Variants in SCAND3 observed in about 807,000 individuals in gnomAD.
SCAND3 encodes the protein SCAN domain-containing protein 3.
chr6:28,607,333 G>A, the SCAND3 span, among the ~76,000 whole-genome samples: 1 of 152,090 alleles, frequency 6.6e-6, no homozygotes, highest in East Asian at 1.9e-4. Context: ...TTTTCTGCTT[G>A]TCTGTACAGC....
the SCAND3 span, chr6:28,579,125 T>C: frequency 1.5e-6 from 1 of 651,554 alleles, no homozygotes; most frequent in East Asian, 2.8e-5. The surrounding 1 kb of genome is among the most constrained non-coding windows in gnomAD (Gnocchi z 4.5). Context: ...ACTCCCTTAA[T>C]AACATTACAC....
At chr6:28,580,806 C>G in the SCAND3 span, among the ~76,000 whole-genome samples, 3 of 129,950 alleles carry the variant, frequency 2.3e-5, no homozygotes, top group African/African-American at 8.5e-5. Context: ...CCCCCCACCC[C>G]CCCAAGCACA....
At chr6:28,593,678 A>C in the SCAND3 span, 3 of 152,214 alleles carry the variant, frequency 2.0e-5, no homozygotes, top group East Asian at 5.8e-4. Flanking sequence ...TTCGTCTCAA[A>C]AAAAACAAAA....
the SCAND3 span, chr6:28,575,373 G>T: frequency 6.2e-7 from 1 of 1,613,978 alleles, no homozygotes; most frequent in Non-Finnish European, 8.5e-7. This position sits in a 1 kb window ranked among gnomAD's most constrained non-coding sequence, Gnocchi z 4.2. Context: ...TGACAACCTG[G>T]CTTGAAAATT....
the SCAND3 span, among the ~76,000 whole-genome samples, chr6:28,584,869 C>T: frequency 6.6e-6 from 1 of 152,360 alleles, no homozygotes; most frequent in East Asian, 1.9e-4. Flanking sequence ...AAACCAGCCA[C>T]TACTTCCACT....
At chr6:28,614,461 C>G in the SCAND3 span, among the ~76,000 whole-genome samples, 1 of 151,822 alleles carries the variant, frequency 6.6e-6, no homozygotes, top group Non-Finnish European at 1.5e-5. Flanking sequence ...GAGCAGTTTT[C>G]TTTTTTCTTT....
At chr6:28,605,174 A>G in the SCAND3 span, among the ~76,000 whole-genome samples, 4 of 152,066 alleles carry the variant, frequency 2.6e-5, no homozygotes, top group Non-Finnish European at 5.9e-5. Flanking sequence ...CTTGCTCCCA[A>G]CTGTTCCAAC....
the SCAND3 span, chr6:28,587,041 C>T: frequency 5.4e-3 from 1,701 of 316,478 alleles, 11 homozygotes; most frequent in South Asian, 0.014. Context: ...ATGACGGATA[C>T]TTTGGCCCTA....
the SCAND3 span, chr6:28,579,290 G>A: frequency 1.6e-5 from 26 of 1,613,480 alleles, no homozygotes; most frequent in Admixed American, 4.2e-4. This position sits in a 1 kb window ranked among gnomAD's most constrained non-coding sequence, Gnocchi z 4.5. Context: ...TGAAGTGGGT[G>A]TGGCTCTGGA....
At chr6:28,599,640 C>T in the SCAND3 span, among the ~76,000 whole-genome samples, 2 of 152,188 alleles carry the variant, frequency 1.3e-5, no homozygotes, top group African/African-American at 4.8e-5. Context: ...CCATGTGAGA[C>T]ATGTCTTTCA....
the SCAND3 span, chr6:28,572,919 A>G: frequency 2.5e-6 from 4 of 1,614,038 alleles, no homozygotes; most frequent in Non-Finnish European, 3.4e-6. The surrounding 1 kb of genome is among the most constrained non-coding windows in gnomAD (Gnocchi z 4.1). Context: ...ATTCTGGCGC[A>G]AGTTCCTTAA....
the SCAND3 span, chr6:28,589,844 G>GTTTGT: frequency 8.1e-6 from 1 of 123,804 alleles, no homozygotes; most frequent in Non-Finnish European, 1.7e-5. Flanking sequence ...TCTTTTGTTT[G>GTTTGT]TTTTTTTGTT....
At chr6:28,586,465 T>C in the SCAND3 span, 62 of 1,614,104 alleles carry the variant, frequency 3.8e-5, no homozygotes, top group Non-Finnish European at 5.1e-5. The surrounding 1 kb of genome is among the most constrained non-coding windows in gnomAD (Gnocchi z 4.4). Context: ...TTGGTATGTA[T>C]CTCTGGGTTC....
the SCAND3 span, chr6:28,573,257 T>C: frequency 1.2e-6 from 2 of 1,614,146 alleles, no homozygotes; most frequent in Non-Finnish European, 1.7e-6. Context: ...AGTTCCTGAA[T>C]ACGTCGAGCT....
the SCAND3 span, among the ~76,000 whole-genome samples, chr6:28,609,003 C>T: frequency 4.0e-5 from 6 of 150,528 alleles, no homozygotes; most frequent in South Asian, 2.1e-4. Context: ...GAAAAAAAAG[C>T]GGGGGTTGGG....
chr6:28,609,096 A>C, the SCAND3 span, among the ~76,000 whole-genome samples: 103 of 152,218 alleles, frequency 6.8e-4, no homozygotes, highest in Non-Finnish European at 1.3e-3. Context: ...ATTGTTTTTC[A>C]TGACAAGACA....
the SCAND3 span, among the ~76,000 whole-genome samples, chr6:28,576,915 C>CTT: frequency 3.2e-4 from 48 of 149,010 alleles, no homozygotes; most frequent in Admixed American, 3.3e-4. Context: ...CGGTCTCAGA[C>CTT]TTTTTTTTTT....
the SCAND3 span, among the ~76,000 whole-genome samples, chr6:28,598,692 ATAAAATAAAATAAAAT>A: frequency 4.4e-4 from 48 of 108,822 alleles, no homozygotes; most frequent in South Asian, 7.5e-3. Context: ...TAAAAATAAA[ATAAAATAAAATAAAAT>A]AAAATAAAAT....
the SCAND3 span, chr6:28,573,541 T>G: frequency 6.2e-7 from 1 of 1,613,506 alleles, no homozygotes; most frequent in Non-Finnish European, 8.5e-7. Context: ...TTCTTTATGT[T>G]TTGAATATAA....
Sources: allele counts gnomAD v4.1 joint callset (sites outside exome capture counted in the v4.1 genomes callset), GRCh38; gene constraint gnomAD v4.1.1; non-coding constraint Gnocchi (gnomAD v3.1); transcripts MANE v1.5; gene names NCBI Gene and HGNC (gene_info 2026-07-23, HGNC 2026-07-21).